The following ALAD variants were observed in gnomAD, a reference collection of about 807,000 sequenced individuals.
ALAD encodes aminolevulinate dehydratase.
Under a neutral mutation model 44.4 loss-of-function variants are expected in ALAD, and 20 were observed. That is an observed-to-expected ratio of 0.45 (90% CI 0.32 to 0.65). The LOEUF (loss-of-function observed/expected upper bound fraction) is 0.65. ALAD is among the 30% of genes least tolerant of loss of function. The pLI is 0.05. For synonymous variants in ALAD, 156 were observed against 167.9 expected, an observed-to-expected ratio of 0.93 and a Z score of 0.55; for missense variants, 323 against 445.7, an observed-to-expected ratio of 0.72 and a Z score of 2.48.
Position 113,387,461 on chromosome 9 carries a change from G to A in ALAD, c.*839C>T, listed in dbSNP as rs1221884632. The A allele has an allele frequency of 6.6e-6, 1 of 152,182 alleles. No individual in the cohort carries two copies. Among genetic ancestry groups the A allele is most frequent in the Non-Finnish European group, 1.5e-5 (1 of 68,066 alleles). 9.4% of individuals were successfully genotyped at this position (152,182 alleles called of 1,614,324 possible). A position where few individuals can be genotyped will look rare whatever the true frequency, so the allele number is the denominator to read the frequency against. On this transcript the variant is annotated 3_prime_UTR_variant, in exon 12 of 12. Transcript: ENST00000409155. ...TCTCAGACCCCTTCTTTCCTTCAAA[G>A]CACTTATCACAATTTGTAACTGCTT... is the stretch of plus-strand genomic sequence containing the variant.
At chr9:113,391,330 G>A (rs574313359) in intron 4 of ALAD, among the ~76,000 whole-genome samples, 197 bp downstream of exon 4, 6 of 152,174 alleles carry the variant, frequency 3.9e-5, no homozygotes, top group South Asian at 2.1e-4. Context: ...TCCACCTCCC[G>A]AGTAGCTGGG....
rs989932794 is a variant in ALAD, at chr9:113,390,504, G to GA, written c.482-12dup. 10 of 1,613,944 alleles carry GA rather than the reference G, an allele frequency of 6.2e-6. No homozygotes were observed. The highest frequency in any genetic ancestry group is 8.5e-6 in the Non-Finnish European group (10 of 1,180,028). On this transcript the variant is annotated splice_polypyrimidine_tract_variant and intron_variant, in intron 6 of 11. Transcript: ENST00000409155. ...CTACCACCTGACATCCTGGGGGGCA[G>GA]AGGGTGGCCTTCAGAACTCTGGGGC...
intron 10 of ALAD, 71 bp downstream of exon 10, chr9:113,389,367 T>C: frequency 6.4e-7 from 1 of 1,558,418 alleles, no homozygotes; most frequent in Admixed American, 1.7e-5. Context: ...CTTCCAACTC[T>C]GAGATTCCAG....
Position 113,390,785 on chromosome 9 carries a change from G to A in ALAD, c.397+13C>T. The A allele has an allele frequency of 6.2e-7, 1 of 1,604,866 alleles. No individual in the cohort carries two copies. The highest frequency in any genetic ancestry group is 8.5e-7 in the Non-Finnish European group (1 of 1,175,956). On this transcript the variant is annotated intron_variant, in intron 5 of 11. Coordinates refer to ENST00000409155, the MANE Select transcript of ALAD (RefSeq NM_000031.6). ...TGGGTGGCAGCAGGGCTGGTGGGAG[G>A]GAGGGAACTCACCGCAGTGACCATG...
intron 3 of ALAD, 133 bp downstream of exon 3, chr9:113,391,986 C>A: frequency 1.0e-6 from 1 of 952,956 alleles, no homozygotes; most frequent in Non-Finnish European, 1.6e-6. Flanking sequence ...CCGGGGAAAC[C>A]CTTTCCTCTA....
intron 1 of ALAD, among the ~76,000 whole-genome samples, chr9:113,399,161 G>A (rs965297054): frequency 1.3e-5 from 2 of 152,208 alleles, no homozygotes; most frequent in African/African-American, 4.8e-5. Context: ...GCTCTGCTGT[G>A]TAATTTTGGG....
intron 2 of ALAD, chr9:113,392,584 CT>C (rs1260138593): frequency 8.4e-6 from 2 of 237,344 alleles, no homozygotes; most frequent in African/African-American, 4.6e-5. Flanking sequence ...TTATTGAGTA[CT>C]TATTATGTGC....
chr9:113,390,780 G>A lies in ALAD; in HGVS notation c.397+18C>T. 6.2e-7 allele frequency: 1 copy of A among 1,603,282 alleles called. No individual in the cohort carries two copies. The highest frequency in any genetic ancestry group is 8.5e-7 in the Non-Finnish European group (1 of 1,175,098). On this transcript the variant is annotated intron_variant, in intron 5 of 11. Transcript: ENST00000409155. ...GAGTGTGGGTGGCAGCAGGGCTGGTGGGAGGGAGGGAACTCACCGCAGTGA... is the reference window on the plus strand; with the variant it reads ...GAGTGTGGGTGGCAGCAGGGCTGGTAGGAGGGAGGGAACTCACCGCAGTGA...
In ALAD at chr9:113,389,685, C is replaced by A; in HGVS notation, c.628G>T (p.Asp210Tyr). The change falls in exon 9 of 12, where the codon GAT becomes TAT. Residue 210 changes from aspartate to tyrosine, a missense_variant and splice_region_variant. By Grantham distance (160) the Asp-to-Tyr change is radical. Transcript: ENST00000409155. ...AAAGCTGGGCTTGACTTAGCTGCAT[C>A]CCTGCAAAGCAGAGTCATCAGGGTG... The part of the protein sequence containing the change: ...FASCFYGPFR[D>Y]AAKSSPAFGD... The A allele has an allele frequency of 1.2e-6, 2 of 1,614,184 alleles. No individual in the cohort carries two copies. The highest frequency in any genetic ancestry group is 1.6e-4 in the Middle Eastern group (1 of 6,062).
At chr9:113,399,398 A>C (rs1344115241) in intron 1 of ALAD, among the ~76,000 whole-genome samples, 1 of 152,182 alleles carries the variant, frequency 6.6e-6, no homozygotes, top group Non-Finnish European at 1.5e-5. Flanking sequence ...AGATGGGAAT[A>C]TGAGCTCAAA....
rs555208841 is a variant in ALAD at position 113,388,413 on chromosome 9, A to C, written c.932-52T>G. 4.2e-4 allele frequency: 653 copies of C among 1,564,096 alleles called. 1 individual carries two copies. Among genetic ancestry groups the C allele is most frequent in the Non-Finnish European group, 5.5e-4 (627 of 1,135,524 alleles). On this transcript the variant is annotated intron_variant, in intron 11 of 11. Coordinates refer to ENST00000409155, the MANE Select transcript of ALAD (RefSeq NM_000031.6). ...GCTGGGGGGACGCTGATCAGCTCTGAGCACACCTTCTGCGATGGGAAGGCC... is the reference window on the plus strand; with the variant it reads ...GCTGGGGGGACGCTGATCAGCTCTGCGCACACCTTCTGCGATGGGAAGGCC...
At chr9:113,398,661 A>G (rs1827791604) in intron 1 of ALAD, among the ~76,000 whole-genome samples, 1 of 152,214 alleles carries the variant, frequency 6.6e-6, no homozygotes. Flanking sequence ...TTACACTTTA[A>G]TGTGGAAAAT....
In ALAD at chr9:113,390,600, G is replaced by A; in HGVS notation, c.474C>T (p.Ala158=). ...TGCTGGTGGTTCACTCACCTGCCTTGGCATACGCCAATGCCACCTCAGCCA... is the reference window on the plus strand; with the variant it reads ...TGCTGGTGGTTCACTCACCTGCCTTAGCATACGCCAATGCCACCTCAGCCA... The part of the protein sequence containing the change: ...QRLAEVALAY[A]KAGCQVVAPS... The change falls in exon 6 of 12, where the codon GCC becomes GCT. Residue 158 remains alanine (A), a synonymous_variant. Transcript: ENST00000409155. The A allele has an allele frequency of 6.2e-7, 1 of 1,614,080 alleles. No individual in the cohort carries two copies. The highest frequency in any genetic ancestry group is 8.5e-7 in the Non-Finnish European group (1 of 1,180,012).
In ALAD at chr9:113,387,109, G is replaced by C. The variant is rs1003418996; in HGVS notation, c.*1191C>G. 2.6e-5 allele frequency: 4 copies of C among 152,254 alleles called. No individual in the cohort carries two copies. Among genetic ancestry groups the C allele is most frequent in the African/African-American group, 9.7e-5 (4 of 41,450 alleles). The allele number at this position is 152,254 out of a possible 1,614,324, so 9.4% of individuals were successfully genotyped here. On this transcript the variant is annotated 3_prime_UTR_variant, in exon 12 of 12. Coordinates refer to ENST00000409155, the MANE Select transcript of ALAD (RefSeq NM_000031.6). The stretch of plus-strand genomic sequence containing the variant: ...GTGGCCCTTGACCTCTGCATGGTTT[G>C]GTCCTGGTCTGTCTCTCTCCACTCA...
intron 1 of ALAD, among the ~76,000 whole-genome samples, chr9:113,398,652 T>A (rs1827791503): frequency 6.6e-6 from 1 of 152,204 alleles, no homozygotes; most frequent in African/African-American, 2.4e-5. Flanking sequence ...TTTAATCCCT[T>A]ACACTTTAAT....
intron 11 of ALAD, 96 bp from the exon 12 acceptor site, chr9:113,388,457 C>T (rs1279772304): frequency 2.6e-6 from 3 of 1,169,664 alleles, no homozygotes; most frequent in Non-Finnish European, 1.3e-6. Context: ...AAGAAGGCTA[C>T]CATGAAGAAG....
chr9:113,391,591 C>T lies in ALAD; in HGVS notation c.197G>A (p.Arg66Lys), dbSNP rs1827586989. 6.2e-7 allele frequency: 1 copy of T among 1,614,146 alleles called. No individual in the cohort carries two copies. The highest frequency in any genetic ancestry group is 8.5e-7 in the Non-Finnish European group (1 of 1,180,024). ...YGVKRLEEML[R>K]PLVEEGLRCV... is the part of the protein sequence containing the mutation. ...GCGTAGGCCCTCTTCCACCAAGGGC[C>T]TCAGCATCTCTTCCAGCCGCTTCAC... The change falls in exon 4 of 12, where the codon AGG becomes AAG. Residue 66 changes from arginine to lysine, a missense_variant. Arg to Lys is a conservative substitution (Grantham distance 26). Coordinates refer to ENST00000409155, the MANE Select transcript of ALAD (RefSeq NM_000031.6).
At chr9:113,392,312 T>A in intron 2 of ALAD, 143 bp from the exon 3 acceptor site, 1 of 1,563,838 alleles carries the variant, frequency 6.4e-7, no homozygotes, top group Non-Finnish European at 8.7e-7. Flanking sequence ...GTGTCTGGCT[T>A]CCCTGCCTGG....
chr9:113,400,739 T>C (rs1247200561), intron 1 of ALAD, among the ~76,000 whole-genome samples: 3 of 152,116 alleles, frequency 2.0e-5, no homozygotes, highest in Non-Finnish European at 4.4e-5. Flanking sequence ...GGAGAATCGC[T>C]TGAACCCGGG....
Sources: allele counts gnomAD v4.1 joint callset (sites outside exome capture counted in the v4.1 genomes callset), GRCh38; gene constraint gnomAD v4.1.1; transcripts MANE v1.5; gene names NCBI Gene and HGNC (gene_info 2026-07-23, HGNC 2026-07-21).